KCNMA1: variants seen among roughly 807,000 people sequenced by gnomAD.
KCNMA1 encodes potassium calcium-activated channel subfamily M alpha 1, also known as Calcium-activated potassium channel subunit alpha-1.
In KCNMA1, 29 loss-of-function variants were observed where a neutral mutation model predicts 140.0. That is an observed-to-expected ratio of 0.21 (90% CI 0.15 to 0.28). The LOEUF (loss-of-function observed/expected upper bound fraction) is 0.28, where lower values mean the gene tolerates loss of function less well. Among genes scored for constraint, KCNMA1 ranks in the 10% least tolerant of loss-of-function variants. The probability of loss-of-function intolerance (pLI) is 1.00; values close to 1 mark genes in which losing one functional copy is unlikely to be tolerated. For missense variants in KCNMA1, 880 were observed against 1,602.2 expected (o/e 0.55, Z 7.70); for synonymous variants, 612 against 611.9 (o/e 1.00, Z 0.00).
intron 1 of KCNMA1, among the ~76,000 whole-genome samples, chr10:77,506,223 A>C (rs952605645): frequency 1.3e-5 from 2 of 152,126 alleles, no homozygotes; most frequent in Non-Finnish European, 2.9e-5. Context: ...AACCACCAAC[A>C]GTGAGACTCC....
At position 76,889,775 on chromosome 10, in the gene KCNMA1, A is replaced by G; in HGVS notation, c.3343-206T>C. 7 of 611,528 alleles carry G rather than the reference A, an allele frequency of 1.1e-5. No individual in the cohort carries two copies. In the South Asian group the frequency reaches 1.3e-4, roughly 11 times the overall value. 37.9% of individuals were successfully genotyped at this position (611,528 alleles called of 1,614,324 possible). A position where few individuals can be genotyped will look rare whatever the true frequency, so the allele number is the denominator to read the frequency against. ...TGTGATTTTTAGGGATCAGGTAACA[A>G]TGGGGTTTTCCTCTGGTGTCTCTCC... On this transcript the variant is annotated intron_variant, in intron 26 of 27. Transcript: ENST00000286628.
chr10:77,299,145 C>T (rs1293379870), intron 2 of KCNMA1, among the ~76,000 whole-genome samples: 1 of 152,188 alleles, frequency 6.6e-6, no homozygotes, highest in East Asian at 1.9e-4. Flanking sequence ...AATGGAGCAA[C>T]TTTTGGCATG....
intron 3 of KCNMA1, among the ~76,000 whole-genome samples, chr10:77,197,654 G>A (rs1172858805): frequency 6.6e-6 from 1 of 152,162 alleles, no homozygotes; most frequent in African/African-American, 2.4e-5. Context: ...ACCACGTTCA[G>A]GGCCATCGGG....
At chr10:77,011,373 AC>A (rs1227764132) in intron 18 of KCNMA1, among the ~76,000 whole-genome samples, 1 of 152,142 alleles carries the variant, frequency 6.6e-6, no homozygotes, top group Non-Finnish European at 1.5e-5. Context: ...AGTCTAGTCT[AC>A]CCCAAAGAGC....
intron 5 of KCNMA1, among the ~76,000 whole-genome samples, chr10:77,155,549 C>T (rs1597393107): frequency 1.3e-5 from 2 of 152,126 alleles, no homozygotes; most frequent in South Asian, 2.1e-4. Context: ...GTTCTGCCTC[C>T]CTGGAAGCAC....
intron 3 of KCNMA1, among the ~76,000 whole-genome samples, chr10:77,224,870 T>C (rs1425052501): frequency 6.6e-6 from 1 of 152,120 alleles, no homozygotes; most frequent in Non-Finnish European, 1.5e-5. Flanking sequence ...AAGAAAATGC[T>C]TAGAACGTGG....
At chr10:77,352,317 T>G (rs1487085793) in intron 2 of KCNMA1, among the ~76,000 whole-genome samples, 1 of 152,242 alleles carries the variant, frequency 6.6e-6, no homozygotes, top group Non-Finnish European at 1.5e-5. Context: ...AGAGGACTAC[T>G]TCACATCTGT....
At chr10:77,193,310 A>AT (rs1252576470) in intron 3 of KCNMA1, among the ~76,000 whole-genome samples, 2 of 152,222 alleles carry the variant, frequency 1.3e-5, no homozygotes, top group African/African-American at 4.8e-5. Flanking sequence ...TAGTGTTCAT[A>AT]TTTGCCAGCA....
intron 9 of KCNMA1, among the ~76,000 whole-genome samples, chr10:77,102,574 T>C (rs1176031632): frequency 1.3e-5 from 2 of 152,226 alleles, no homozygotes; most frequent in African/African-American, 4.8e-5. Context: ...TTTTTAAGAC[T>C]TCCTCTAGTG....
chr10:77,127,119 CAG>C (rs2097760506), intron 5 of KCNMA1, among the ~76,000 whole-genome samples: 1 of 123,932 alleles, frequency 8.1e-6, no homozygotes, highest in Non-Finnish European at 1.7e-5. Flanking sequence ...CACACACACA[CAG>C]AGTACATATA....
chr10:77,213,064 G>T (rs1455069876), intron 3 of KCNMA1, among the ~76,000 whole-genome samples: 1 of 151,782 alleles, frequency 6.6e-6, no homozygotes, highest in Non-Finnish European at 1.5e-5. Flanking sequence ...TCTGCAATTG[G>T]TGTAATTAAA....
chr10:76,886,928 T>C lies in KCNMA1; in HGVS notation c.*338A>G. On this transcript the variant is annotated 3_prime_UTR_variant, in exon 28 of 28. Transcript: ENST00000286628. ...ACTTTTCTTTTACATTAAATAAACTTGCTCTGCCTAACTGACGTTGATCAC... is the reference window on the plus strand; with the variant it reads ...ACTTTTCTTTTACATTAAATAAACTCGCTCTGCCTAACTGACGTTGATCAC... 3.4e-6 allele frequency: 4 copies of C among 1,161,802 alleles called. No homozygotes were observed. Among genetic ancestry groups the C allele is most frequent in the Non-Finnish European group, 4.3e-6 (4 of 932,482 alleles). 72.0% of individuals were successfully genotyped at this position (1,161,802 alleles called of 1,614,324 possible).
intron 1 of KCNMA1, among the ~76,000 whole-genome samples, chr10:77,582,942 C>A (rs2076276130): frequency 6.6e-6 from 1 of 152,240 alleles, no homozygotes; most frequent in Admixed American, 6.5e-5. Context: ...GCCACCAGCC[C>A]CATCCGCCAA....
chr10:77,000,846 A>C (rs2086008384), intron 19 of KCNMA1, among the ~76,000 whole-genome samples: 1 of 69,420 alleles, frequency 1.4e-5, no homozygotes, highest in Admixed American at 1.4e-4. Flanking sequence ...AGAGAGACAT[A>C]GTAAAAAGAA....
intron 1 of KCNMA1, among the ~76,000 whole-genome samples, chr10:77,492,413 C>A (rs557819667): frequency 6.6e-6 from 1 of 152,306 alleles, no homozygotes; most frequent in East Asian, 1.9e-4. Context: ...TTGTTGGCCA[C>A]CTGTGTACTT....
At chr10:77,293,412 T>TCCG in intron 2 of KCNMA1, among the ~76,000 whole-genome samples, 1 of 152,276 alleles carries the variant, frequency 6.6e-6, no homozygotes, top group South Asian at 2.1e-4. Flanking sequence ...GGTGGTTCCC[T>TCCG]TGATATCAGC....
intron 5 of KCNMA1, among the ~76,000 whole-genome samples, chr10:77,127,661 G>GT (rs1380809677): frequency 2.0e-5 from 3 of 152,034 alleles, no homozygotes; most frequent in Admixed American, 1.3e-4. Context: ...AGGGGAAAGG[G>GT]AGAGAACGAG....
At chr10:76,954,212 T>A (rs56225644) in intron 20 of KCNMA1, among the ~76,000 whole-genome samples, 1 of 152,016 alleles carries the variant, frequency 6.6e-6, no homozygotes, top group Admixed American at 6.6e-5. Context: ...CCTCCCTTTT[T>A]AAGGCTACCT....
chr10:77,513,141 T>G (rs1377670997), intron 1 of KCNMA1, among the ~76,000 whole-genome samples: 1 of 63,742 alleles, frequency 1.6e-5, no homozygotes, highest in Non-Finnish European at 3.0e-5. Flanking sequence ...ACCCCCACCA[T>G]CACCACCTCA....
Sources: allele counts gnomAD v4.1 joint callset (sites outside exome capture counted in the v4.1 genomes callset), GRCh38; gene constraint gnomAD v4.1.1; transcripts MANE v1.5; gene names NCBI Gene and HGNC (gene_info 2026-07-23, HGNC 2026-07-21).